The following BICD1 variants were observed in gnomAD, a reference collection of about 807,000 sequenced individuals.
The protein encoded by BICD1 is protein bicaudal D homolog 1.
In BICD1, 35 loss-of-function variants were observed where a neutral mutation model predicts 92.5. That is an observed-to-expected ratio of 0.38 (90% CI 0.29 to 0.50). BICD1 has a LOEUF of 0.50. Among genes scored for constraint, BICD1 ranks in the 20% least tolerant of loss-of-function variants. The pLI is 0.93. For missense variants in BICD1, 950 were observed against 1,189.8 expected (o/e 0.80, Z 2.97); for synonymous variants, 429 against 465.1 (o/e 0.92, Z 1.00).
intron 1 of BICD1, among the ~76,000 whole-genome samples, chr12:32,164,921 G>A (rs191327458): frequency 1.3e-5 from 2 of 152,138 alleles, no homozygotes; most frequent in East Asian, 3.8e-4. Context: ...TGACAACTGC[G>A]CATCCTGACA....
chr12:32,358,524 G>T (rs916422428), intron 8 of BICD1, among the ~76,000 whole-genome samples: 4 of 151,936 alleles, frequency 2.6e-5, no homozygotes, highest in African/African-American at 9.7e-5. Flanking sequence ...GGATCACGAG[G>T]TCAAGAGATG....
intron 2 of BICD1, among the ~76,000 whole-genome samples, chr12:32,232,190 T>A (rs951732670): frequency 6.7e-6 from 1 of 149,912 alleles, no homozygotes; most frequent in Non-Finnish European, 1.5e-5. Context: ...TTGAACTAGT[T>A]TACAGTCCCA....
At position 32,334,496 on chromosome 12, in the gene BICD1, AG is replaced by A. The variant is rs113334728; in HGVS notation, c.2101-19del. 29 of 1,588,704 alleles carry A rather than the reference AG, an allele frequency of 1.8e-5. No homozygotes were observed. The African/African-American group carries it at 2.7e-4, about 15-fold the overall frequency. On this transcript the variant is annotated intron_variant, in intron 5 of 9. Transcript: ENST00000652176. ...TTTTCCTGATATGAAAATTGTAAGC[AG>A]TGTGATTTTCTGCTTTAGACAGCTG...
intron 2 of BICD1, among the ~76,000 whole-genome samples, chr12:32,287,049 TGAGGAGATGA>T (rs1241865120): frequency 6.6e-6 from 1 of 152,130 alleles, no homozygotes; most frequent in African/African-American, 2.4e-5. Flanking sequence ...AAGGTTTCCC[TGAGGAGATGA>T]CATCTGAAAT....
At chr12:32,336,011 A>G (rs1938104967) in intron 6 of BICD1, among the ~76,000 whole-genome samples, 1 of 152,198 alleles carries the variant, frequency 6.6e-6, no homozygotes, top group Non-Finnish European at 1.5e-5. Flanking sequence ...AGTGTTAAAA[A>G]CAAACAAAAA....
At chr12:32,236,132 C>G (rs192994349) in intron 2 of BICD1, among the ~76,000 whole-genome samples, 48 of 151,766 alleles carry the variant, frequency 3.2e-4, no homozygotes, top group African/African-American at 1.1e-3. Context: ...TGGTAGTTCA[C>G]GCCTGTAATC....
chr12:32,194,109 A>T (rs1466211794), intron 1 of BICD1, among the ~76,000 whole-genome samples: 1 of 152,256 alleles, frequency 6.6e-6, no homozygotes, highest in Non-Finnish European at 1.5e-5. Context: ...TCACATGATC[A>T]TCTCAATAGT....
chr12:32,244,249 C>T (rs1478850506), intron 2 of BICD1, among the ~76,000 whole-genome samples: 1 of 152,152 alleles, frequency 6.6e-6, no homozygotes, highest in Non-Finnish European at 1.5e-5. Context: ...AGTTTTTTGT[C>T]TGCTAATAGG....
chr12:32,286,902 G>A (rs1947584240), intron 2 of BICD1, among the ~76,000 whole-genome samples: 1 of 152,208 alleles, frequency 6.6e-6, no homozygotes, highest in Non-Finnish European at 1.5e-5. Context: ...TAAGTAGCCA[G>A]TTTCAAATAA....
At chr12:32,129,082 T>G (rs1004108019) in intron 1 of BICD1, among the ~76,000 whole-genome samples, 2 of 151,974 alleles carry the variant, frequency 1.3e-5, no homozygotes, top group East Asian at 3.9e-4. Context: ...GCTGGGATTA[T>G]GCACCATTGT....
chr12:32,377,549 A>G lies in BICD1; in HGVS notation c.2850A>G (p.Thr950=). ...TGTTTCTCCTTTCCAGTCCTGACAC[A>G]GCTCTCCCTGAGGAGCAGCCACATT... ...RQDCPTVSPD[T]ALPEEQPHSS... is the part of the protein sequence containing the mutation. The change falls in exon 10 of 10, where the codon ACA becomes ACG. Residue 950 remains threonine, a synonymous_variant. Coordinates refer to ENST00000652176, the MANE Select transcript of BICD1 (RefSeq NM_001714.4). The G allele has an allele frequency of 6.2e-7, 1 of 1,614,026 alleles. No individual in the cohort carries two copies. The highest frequency in any genetic ancestry group is 8.5e-7 in the Non-Finnish European group (1 of 1,179,936).
At chr12:32,194,511 C>G in intron 1 of BICD1, among the ~76,000 whole-genome samples, 1 of 152,136 alleles carries the variant, frequency 6.6e-6, no homozygotes, top group East Asian at 1.9e-4. Context: ...AATTAACATA[C>G]AAATATTAGT....
chr12:32,231,834 A>G lies in BICD1; in HGVS notation c.426+15375A>G, dbSNP rs1273636104. 2.7e-5 allele frequency among the ~76,000 whole-genome samples: 4 copies of G among 147,972 alleles called. No individual in the cohort carries two copies. In the South Asian group the frequency reaches 6.4e-4, roughly 24 times the overall value. On this transcript the variant is annotated intron_variant, in intron 2 of 9. Transcript: ENST00000652176. The stretch of plus-strand genomic sequence containing the variant: ...TTCCCACCTATGAGTGAGAATATGC[A>G]GTGTTTGTTTTTTTGTTCTTGTGAT...
At chr12:32,164,905 G>A (rs1356161411) in intron 1 of BICD1, among the ~76,000 whole-genome samples, 1 of 152,112 alleles carries the variant, frequency 6.6e-6, no homozygotes, top group African/African-American at 2.4e-5. Flanking sequence ...TTTTTAATGA[G>A]CTCCCTGACA....
intron 1 of BICD1, among the ~76,000 whole-genome samples, chr12:32,186,832 G>A (rs936656942): frequency 6.6e-6 from 1 of 152,154 alleles, no homozygotes; most frequent in African/African-American, 2.4e-5. Flanking sequence ...AAATGTTTGA[G>A]ATCCTGGAAA....
chr12:32,227,134 G>C (rs1592512815), intron 2 of BICD1, among the ~76,000 whole-genome samples: 1 of 131,172 alleles, frequency 7.6e-6, no homozygotes, highest in Non-Finnish European at 1.8e-5. Context: ...AATAGAACAA[G>C]GGGGGACACC....
intron 9 of BICD1, among the ~76,000 whole-genome samples, chr12:32,376,006 T>C (rs575541292): frequency 6.6e-6 from 1 of 152,222 alleles, no homozygotes; most frequent in Admixed American, 6.5e-5. Flanking sequence ...TTTAAGGGAA[T>C]ATAACAGAGT....
At chr12:32,161,009 T>C (rs1269603669) in intron 1 of BICD1, among the ~76,000 whole-genome samples, 2 of 152,234 alleles carry the variant, frequency 1.3e-5, no homozygotes, top group Non-Finnish European at 2.9e-5. Flanking sequence ...GAGCAATATC[T>C]TAACCTTTAG....
intron 1 of BICD1, among the ~76,000 whole-genome samples, chr12:32,157,762 A>G (rs1344814499): frequency 6.6e-6 from 1 of 151,686 alleles, no homozygotes; most frequent in South Asian, 2.1e-4. Context: ...TACCTTAGAG[A>G]TTTTACTTTT....
Sources: gnomAD v4.1 joint callset for allele counts (sites outside exome capture counted in the v4.1 genomes callset) on GRCh38, gnomAD v4.1.1 for gene constraint, MANE v1.5 for transcripts, NCBI Gene and HGNC (gene_info 2026-07-23, HGNC 2026-07-21) for gene names.